TRIM14: variants seen among roughly 807,000 people sequenced by gnomAD.
TRIM14 encodes tripartite motif-containing protein 14.
A neutral mutation model predicts 44.5 loss-of-function variants in TRIM14; 28 were observed. That is an observed-to-expected ratio of 0.63 (90% CI 0.47 to 0.86). The LOEUF is 0.86. Ranked by LOEUF, TRIM14 falls within the 40% of genes least tolerant of loss-of-function variation. The pLI, the probability that TRIM14 is intolerant of heterozygous loss-of-function variation, is 0.00. For synonymous variants in TRIM14, 299 were observed against 269.2 expected (o/e 1.11, Z -1.08); for missense variants, 607 against 611.1 (o/e 0.99, Z 0.07).
At chr9:98,107,060 G>C (rs1377873348) in intron 2 of TRIM14, among the ~76,000 whole-genome samples, 1 of 152,022 alleles carries the variant, frequency 6.6e-6, no homozygotes, top group Non-Finnish European at 1.5e-5. Flanking sequence ...CTAGCTACTG[G>C]GGGAATGCAA....
chr9:98,072,611 A>C (rs2131639193), intron 6 of TRIM14, among the ~76,000 whole-genome samples: 1 of 152,100 alleles, frequency 6.6e-6, no homozygotes, highest in Non-Finnish European at 1.5e-5. Context: ...GAGTTTCACC[A>C]TGTTGGCCAG....
chr9:98,058,404 T>G, the TRIM14 span, among the ~76,000 whole-genome samples: 69 of 152,364 alleles, frequency 4.5e-4, no homozygotes, highest in Non-Finnish European at 1.8e-4. Context: ...GATTTCATTT[T>G]AAAGGCTAAG....
intron 6 of TRIM14, chr9:98,078,138 A>G (rs1336587720): frequency 1.2e-6 from 2 of 1,610,050 alleles, no homozygotes; most frequent in Admixed American, 1.7e-5. Flanking sequence ...TGTGTTGGGG[A>G]GAGTCAGAAC....
the TRIM14 span, chr9:98,061,096 C>A: frequency 8.6e-7 from 1 of 1,161,588 alleles, no homozygotes; most frequent in Non-Finnish European, 1.3e-6. Flanking sequence ...AGCCCTTGCT[C>A]ATCCTTTCTG....
rs1378083689 is a variant in TRIM14, at chr9:98,100,108, T to C, written c.360A>G (p.Leu120=). The stretch of plus-strand genomic sequence containing the variant: ...CCAGCGCTTCCTCTTCGTCAAGTAG[T>C]AATCTGAGTTCAGTGAATTTCCCCT... ...WLKGKFTELR[L]LLDEEEALAK... Residue 120 remains leucine, a synonymous_variant, in exon 3 of 6, where the codon TTA becomes TTG. Coordinates refer to ENST00000341469, the MANE Select transcript of TRIM14 (RefSeq NM_014788.4). 2 of 1,614,088 alleles carry C rather than the reference T, an allele frequency of 1.2e-6. No individual in the cohort carries two copies.
chr9:98,078,907 T>C (rs897511162), intron 6 of TRIM14, among the ~76,000 whole-genome samples: 1 of 151,764 alleles, frequency 6.6e-6, no homozygotes, highest in Non-Finnish European at 1.5e-5. Context: ...CTATTGTGAA[T>C]GATGCTGCTA....
At chr9:98,115,782 AT>A (rs367777200) in intron 1 of TRIM14, 13 of 152,352 alleles carry the variant, frequency 8.5e-5, no homozygotes, top group African/African-American at 2.4e-4. Context: ...GACACTGGTA[AT>A]TTTACCAAGG....
rs897795786 is a variant in TRIM14, at chr9:98,119,180, G to A, written c.9C>T (p.Gly3=). 2 of 1,573,052 alleles carry A rather than the reference G, an allele frequency of 1.3e-6. No individual in the cohort carries two copies. The highest frequency in any genetic ancestry group is 1.4e-5 in the African/African-American group (1 of 71,384). The change falls in exon 1 of 6, where the codon GGC becomes GGT. Residue 3 remains glycine, a synonymous_variant. Coordinates refer to ENST00000341469, the MANE Select transcript of TRIM14 (RefSeq NM_014788.4). MA[G]AATGSRTPGR... ...CAGGGGTCCGGCTCCCGGTCGCCGC[G>A]CCCGCCATTCATCTCCACCTCCTCC...
chr9:98,044,317 C>G, the TRIM14 span, among the ~76,000 whole-genome samples: 2 of 151,612 alleles, frequency 1.3e-5, no homozygotes, highest in South Asian at 4.2e-4. Flanking sequence ...CCATGTGGCC[C>G]CCGGTCACCC....
intron 2 of TRIM14, among the ~76,000 whole-genome samples, chr9:98,109,493 C>T (rs1382247782): frequency 1.3e-5 from 2 of 152,184 alleles, no homozygotes; most frequent in Non-Finnish European, 2.9e-5. Context: ...ACAGATCTTA[C>T]CCTACTTGCT....
chr9:98,085,320 T>G lies in TRIM14; in HGVS notation c.*2150A>C, dbSNP rs147726624. 37 of 152,598 alleles carry G rather than the reference T, an allele frequency of 2.4e-4. 1 individual carries two copies. The highest frequency in any genetic ancestry group is 8.2e-4 in the African/African-American group (34 of 41,544). 9.5% of individuals were successfully genotyped at this position (152,598 alleles called of 1,614,324 possible). On this transcript the variant is annotated 3_prime_UTR_variant, in exon 6 of 6. Transcript: ENST00000341469. ...TGGAACTCACAGCCTGGGCCCAGACTCCAGCTCCACCACTAGCTGTGCGAC... is the reference window on the plus strand; with the variant it reads ...TGGAACTCACAGCCTGGGCCCAGACGCCAGCTCCACCACTAGCTGTGCGAC...
At chr9:98,067,425 TCTAGCCATC>T (rs2131630370), downstream of TRIM14, among the ~76,000 whole-genome samples, 1 of 152,316 alleles carries the variant, frequency 6.6e-6, no homozygotes, top group East Asian at 1.9e-4. Flanking sequence ...ACCTCCTGAT[TCTAGCCATC>T]CTAGTGGATG....
Position 98,119,146 on chromosome 9 carries a change from C to T in TRIM14, c.43G>A (p.Glu15Lys), listed in dbSNP as rs368291230. 6 of 1,585,700 alleles carry T rather than the reference C, an allele frequency of 3.8e-6. No homozygotes were observed. The highest frequency in any genetic ancestry group is 5.1e-6 in the Non-Finnish European group (6 of 1,175,418). Residue 15 changes from glutamate to lysine, a missense_variant, in exon 1 of 6, where the codon GAG (glutamate) becomes AAG (lysine). Around this residue, in one of 3 missense-constraint regions of TRIM14, gnomAD observed 246 missense variants for 270.8 expected, o/e 0.91. Transcript: ENST00000341469. Reference sequence around the variant, plus strand: ...CGCCAGCCGCATCCCTCGACAAGCTCCGACCTCCCAGGGGTCCGGCTCCCG... The same window carrying T: ...CGCCAGCCGCATCCCTCGACAAGCTTCGACCTCCCAGGGGTCCGGCTCCCG... The part of the protein sequence containing the change: ...ATGSRTPGRS[E>K]LVEGCGWRCP...
chr9:98,119,178 G>T lies in TRIM14; in HGVS notation c.11C>A (p.Ala4Glu). 2 of 1,573,378 alleles carry T rather than the reference G, an allele frequency of 1.3e-6. No individual in the cohort carries two copies. Among genetic ancestry groups the T allele is most frequent in the Non-Finnish European group, 1.7e-6 (2 of 1,170,266 alleles). The change falls in exon 1 of 6, where the codon GCG (alanine) becomes GAG (glutamate). Residue 4 changes from alanine to glutamate, a missense_variant. Ala to Glu is a moderately radical substitution (Grantham distance 107). Transcript: ENST00000341469. MAG[A>E]ATGSRTPGRS... ...CCCAGGGGTCCGGCTCCCGGTCGCC[G>T]CGCCCGCCATTCATCTCCACCTCCT...
the TRIM14 span, chr9:98,060,740 A>G: frequency 6.3e-7 from 1 of 1,597,102 alleles, no homozygotes; most frequent in Non-Finnish European, 8.6e-7. Flanking sequence ...TTTTTTGAGA[A>G]TCTACGACAG....
At chr9:98,112,797 CA>C (rs34150823) in intron 1 of TRIM14, among the ~76,000 whole-genome samples, 37,187 of 68,466 alleles carry the variant, frequency 0.54, 7,427 homozygotes, top group East Asian at 0.74. Context: ...GACTCAATCT[CA>C]AAAAAAAAAA....
rs995525973 is a variant in TRIM14, at chr9:98,087,109, G to T, written c.*361C>A. On this transcript the variant is annotated 3_prime_UTR_variant, in exon 6 of 6. Transcript: ENST00000341469. Reference sequence around the variant, plus strand: ...TTACTGTGTGCCTACTATGTGTCAGGTTCCTGTGCTGTACGAGGGAGAAGG... The same window carrying T: ...TTACTGTGTGCCTACTATGTGTCAGTTTCCTGTGCTGTACGAGGGAGAAGG... 45 of 502,160 alleles carry T rather than the reference G, an allele frequency of 9.0e-5. No individual in the cohort carries two copies. Among genetic ancestry groups the T allele is most frequent in the African/African-American group, 8.0e-4 (41 of 51,508 alleles). 31.1% of individuals were successfully genotyped at this position (502,160 alleles called of 1,614,324 possible).
downstream of TRIM14, among the ~76,000 whole-genome samples, chr9:98,067,222 T>C (rs1829174046): frequency 6.6e-6 from 1 of 152,264 alleles, no homozygotes; most frequent in South Asian, 2.1e-4. Flanking sequence ...TGAGCTTTTA[T>C]GTACAGGTTT....
chr9:98,042,146 A>G, the TRIM14 span, among the ~76,000 whole-genome samples: 1 of 151,040 alleles, frequency 6.6e-6, no homozygotes, highest in Admixed American at 6.6e-5. Flanking sequence ...ACAAAAAATT[A>G]GCCGGGCGTG....
Sources: gnomAD v4.1 joint callset for allele counts (sites outside exome capture counted in the v4.1 genomes callset) on GRCh38, gnomAD v4.1.1 for gene constraint, gnomAD v4.1.1 regional missense constraint, MANE v1.5 for transcripts, NCBI Gene and HGNC (gene_info 2026-07-23, HGNC 2026-07-21) for gene names.